Variants in FRMD3 observed in about 807,000 individuals in gnomAD.
FRMD3 encodes the protein FERM domain-containing protein 3.
Under a neutral mutation model 70.2 loss-of-function variants are expected in FRMD3, and 33 were observed. The observed-to-expected ratio is 0.47, with a 90% CI of 0.36 to 0.63. FRMD3 has a LOEUF of 0.63. Among genes scored for constraint, FRMD3 ranks in the 20% least tolerant of loss-of-function variants. The pLI is 0.00. For missense variants in FRMD3, 632 were observed against 711.4 expected, an observed-to-expected ratio of 0.89 and a Z score of 1.27; for synonymous variants, 279 against 255.9, an observed-to-expected ratio of 1.09 and a Z score of -0.86.
intron 13 of FRMD3, among the ~76,000 whole-genome samples, chr9:83,252,647 A>C (rs986293062): frequency 6.6e-6 from 1 of 152,224 alleles, no homozygotes; most frequent in Non-Finnish European, 1.5e-5. Flanking sequence ...AGACACACAT[A>C]GGCTCAAAAT....
chr9:83,552,421 T>G, the FRMD3 span, among the ~76,000 whole-genome samples: 1 of 152,244 alleles, frequency 6.6e-6, no homozygotes, highest in Non-Finnish European at 1.5e-5. Context: ...GTATGTGTCA[T>G]GTGACAATGT....
chr9:83,485,766 A>AGTG (rs1828673711), intron 1 of FRMD3, among the ~76,000 whole-genome samples: 1 of 152,218 alleles, frequency 6.6e-6, no homozygotes, highest in East Asian at 1.9e-4. Context: ...CCCAACTTTC[A>AGTG]ACTCCATTCA....
chr9:83,266,695 A>G (rs1011350941), intron 13 of FRMD3, among the ~76,000 whole-genome samples: 2 of 152,002 alleles, frequency 1.3e-5, no homozygotes, highest in Non-Finnish European at 2.9e-5. Flanking sequence ...TAATCTTCTC[A>G]TGTTATGGAA....
At chr9:83,524,296 G>A (rs1829641089) in intron 1 of FRMD3, among the ~76,000 whole-genome samples, 1 of 152,102 alleles carries the variant, frequency 6.6e-6, no homozygotes, top group South Asian at 2.1e-4. Flanking sequence ...AGCAATATTT[G>A]TACCATGCCA....
intron 1 of FRMD3, among the ~76,000 whole-genome samples, chr9:83,499,056 T>C (rs571446649): frequency 1.3e-5 from 2 of 152,188 alleles, no homozygotes; most frequent in Non-Finnish European, 2.9e-5. Flanking sequence ...AAAATCTTCC[T>C]GAAACAGGAA....
chr9:83,328,735 C>T (rs1287868542), intron 6 of FRMD3, among the ~76,000 whole-genome samples: 1 of 152,144 alleles, frequency 6.6e-6, no homozygotes, highest in East Asian at 1.9e-4. Context: ...CACACTACTA[C>T]AGTGCCCCAC....
intron 4 of FRMD3, 135 bp from the exon 5 acceptor site, chr9:83,343,422 T>C (rs540943734): frequency 2.9e-5 from 18 of 627,234 alleles, no homozygotes; most frequent in South Asian, 1.9e-4. Context: ...TGCCCAGCCC[T>C]TTGTAGAACA....
chr9:83,346,235 G>A (rs1032546460), intron 4 of FRMD3, among the ~76,000 whole-genome samples: 3 of 116,964 alleles, frequency 2.6e-5, no homozygotes, highest in South Asian at 2.8e-4. Context: ...CAGCCTGAGC[G>A]ACAGAGCAAG....
At chr9:83,539,346 G>A (rs557213549), upstream of FRMD3, among the ~76,000 whole-genome samples, 1 of 152,312 alleles carries the variant, frequency 6.6e-6, no homozygotes, top group Admixed American at 6.5e-5. Flanking sequence ...CCGTAGGCCC[G>A]AGAGTGGCCA....
At chr9:83,390,168 G>A (rs114738494) in intron 1 of FRMD3, among the ~76,000 whole-genome samples, 1 of 152,248 alleles carries the variant, frequency 6.6e-6, no homozygotes, top group African/African-American at 2.4e-5. Context: ...TTTTATATCG[G>A]AGGAAACTGA....
chr9:83,334,279 C>T (rs1244341327), intron 6 of FRMD3, among the ~76,000 whole-genome samples: 4 of 152,164 alleles, frequency 2.6e-5, no homozygotes, highest in African/African-American at 9.7e-5. Flanking sequence ...TAAAATTACC[C>T]ACATAGATGG....
At chr9:83,355,045 G>A (rs1240717313) in intron 3 of FRMD3, among the ~76,000 whole-genome samples, 1 of 152,172 alleles carries the variant, frequency 6.6e-6, no homozygotes, top group African/African-American at 2.4e-5. Context: ...CTGTATGACT[G>A]CTGGAAAAGG....
chr9:83,352,102 T>C (rs1368155189), intron 3 of FRMD3, among the ~76,000 whole-genome samples: 1 of 152,226 alleles, frequency 6.6e-6, no homozygotes, highest in Non-Finnish European at 1.5e-5. Flanking sequence ...AATTATTCCC[T>C]TTTAATTGTC....
chr9:83,388,998 T>TGTAGTA (rs1379396976), intron 2 of FRMD3, among the ~76,000 whole-genome samples: 4 of 139,250 alleles, frequency 2.9e-5, no homozygotes, highest in Admixed American at 1.6e-4. Flanking sequence ...CAGGCTGGAG[T>TGTAGTA]GTAGTAGCCC....
rs1314431890 is a variant in FRMD3 at position 83,324,431 on chromosome 9, A to G, written c.597-10684T>C. Among the ~76,000 whole-genome samples, 3 of 152,290 alleles carry G rather than the reference A, an allele frequency of 2.0e-5. No individual in the cohort carries two copies. In the East Asian group the frequency reaches 5.8e-4, roughly 29 times the overall value. ...CATTCACAAGCAATGTTAGGGGATC[A>G]TGGATGTTTTTTCAATTATTCTTTA... On this transcript the variant is annotated intron_variant, in intron 6 of 13. Transcript: ENST00000304195.
Position 83,309,565 on chromosome 9 carries a change from C to A in FRMD3, c.897G>T (p.Lys299Asn), listed in dbSNP as rs1835271977. Residue 299 changes from lysine (K) to asparagine (N), a missense_variant, in exon 10 of 14, where the codon AAG becomes AAT. Transcript: ENST00000304195. ...STPAACKHLW[K>N]CGVENQAFYK... ...AAAAGGCCTGGTTTTCCACTCCACACTTCCAAAGATGTTTGCAGGCAGCTG... is the reference window on the plus strand; with the variant it reads ...AAAAGGCCTGGTTTTCCACTCCACAATTCCAAAGATGTTTGCAGGCAGCTG... The A allele has an allele frequency of 7.5e-6, 12 of 1,598,752 alleles. No homozygotes were observed. The highest frequency in any genetic ancestry group is 1.0e-5 in the Non-Finnish European group (12 of 1,172,724).
At chr9:83,406,163 A>G (rs1826097176) in intron 1 of FRMD3, among the ~76,000 whole-genome samples, 1 of 152,142 alleles carries the variant, frequency 6.6e-6, no homozygotes, top group African/African-American at 2.4e-5. Context: ...AGAGCACAGA[A>G]AGTAGTCCTC....
chr9:83,328,871 A>C (rs1203670597), intron 6 of FRMD3, among the ~76,000 whole-genome samples: 1 of 152,234 alleles, frequency 6.6e-6, no homozygotes, highest in African/African-American at 2.4e-5. Flanking sequence ...TCACTGTTAT[A>C]GTCTCATTGA....
chr9:83,248,957 T>C (rs917699663), intron 13 of FRMD3, among the ~76,000 whole-genome samples: 3 of 152,204 alleles, frequency 2.0e-5, no homozygotes, highest in Non-Finnish European at 4.4e-5. Context: ...CTTTCTAGTC[T>C]TCATTCTAGA....
Sources: gnomAD v4.1 joint callset for allele counts (sites outside exome capture counted in the v4.1 genomes callset) on GRCh38, gnomAD v4.1.1 for gene constraint, MANE v1.5 for transcripts, NCBI Gene and HGNC (gene_info 2026-07-23, HGNC 2026-07-21) for gene names.